Variants in ARHGAP32 observed in about 807,000 individuals in gnomAD.
ARHGAP32 encodes rho GTPase-activating protein 32.
In ARHGAP32, 51 loss-of-function variants were observed where a neutral mutation model predicts 186.5. That is an observed-to-expected ratio of 0.27 (90% CI 0.22 to 0.35). ARHGAP32 has a LOEUF of 0.35. Among genes scored for constraint, ARHGAP32 ranks in the 10% least tolerant of loss-of-function variants. ARHGAP32 has a pLI of 1.00. For synonymous variants in ARHGAP32, 950 were observed against 964.3 expected (o/e 0.99, Z 0.27); for missense variants, 2,186 against 2,623.5 (o/e 0.83, Z 3.64).
chr11:129,035,513 G>A (rs903146880), intron 11 of ARHGAP32, among the ~76,000 whole-genome samples: 6 of 152,164 alleles, frequency 3.9e-5, no homozygotes, highest in Non-Finnish European at 8.8e-5. Flanking sequence ...ACAAGCCCAA[G>A]GCTGACAGAA....
At chr11:129,194,047 A>T (rs7127274), upstream of ARHGAP32, among the ~76,000 whole-genome samples, 1,805 of 152,102 alleles carry the variant, frequency 0.012, 40 homozygotes, top group African/African-American at 0.041. Flanking sequence ...AAAACAATAC[A>T]TAATAAGATG....
intron 11 of ARHGAP32, among the ~76,000 whole-genome samples, chr11:129,038,049 C>T (rs542965549): frequency 2.0e-5 from 3 of 151,740 alleles, no homozygotes; most frequent in Middle Eastern, 6.8e-3. Context: ...TGCAGTGAGC[C>T]GAGATCGCAC....
chr11:129,124,945 T>G (rs770821672), intron 2 of ARHGAP32, 51 bp from the exon 3 acceptor site: 5 of 1,406,456 alleles, frequency 3.6e-6, no homozygotes, highest in Non-Finnish European at 4.9e-6. Context: ...GTATTACACT[T>G]TTTTAAAAAG....
intron 12 of ARHGAP32, among the ~76,000 whole-genome samples, chr11:128,996,249 G>C (rs1021078644): frequency 6.6e-6 from 1 of 152,006 alleles, no homozygotes; most frequent in Admixed American, 6.5e-5. Flanking sequence ...CCCTGTGACA[G>C]TTTAATGTTT....
intron 10 of ARHGAP32, among the ~76,000 whole-genome samples, chr11:129,043,115 A>G (rs1418528898): frequency 6.6e-6 from 1 of 152,228 alleles, no homozygotes; most frequent in Non-Finnish European, 1.5e-5. Context: ...AAATTCAAGT[A>G]ACAATGTACA....
At position 129,237,496 on chromosome 11, in the gene ARHGAP32, A is replaced by G. The variant is rs536927309; in HGVS notation, c.-5+41650T>C. On this transcript the variant is annotated intron_variant, in intron 1 of 6. Coordinates refer to the ARHGAP32 transcript ENST00000525234. Reference sequence around the variant, plus strand: ...AGTGATAAGTGCTTTAGCGTGTTAAAGGAATGAAGAATGCTCAGGACTGCT... The same window carrying G: ...AGTGATAAGTGCTTTAGCGTGTTAAGGGAATGAAGAATGCTCAGGACTGCT... 3.9e-5 allele frequency among the ~76,000 whole-genome samples: 6 copies of G among 152,332 alleles called. No homozygotes were observed. In the East Asian group the frequency reaches 1.2e-3, roughly 29 times the overall value.
intron 1 of ARHGAP32, among the ~76,000 whole-genome samples, chr11:129,206,567 A>AT (rs897550438): frequency 6.6e-6 from 1 of 152,040 alleles, no homozygotes; most frequent in African/African-American, 2.4e-5. Context: ...AAGTCCACAC[A>AT]TGATATTTTG....
rs1938267086 is a variant in ARHGAP32 at position 129,015,013 on chromosome 11, A to G, written c.1046-16545T>C. On this transcript the variant is annotated intron_variant, in intron 11 of 22. Coordinates refer to ENST00000682385, the MANE Select transcript of ARHGAP32 (RefSeq NM_001378024.1). ...AATATATCTATTCACGCTAATGAAT[A>G]TGAAGAAAGAATTTTTCTCTAGACA... Among the ~76,000 whole-genome samples the G allele has an allele frequency of 5.9e-5, 9 of 152,356 alleles. No homozygotes were observed. The South Asian group carries it at 1.9e-3, about 32-fold the overall frequency.
chr11:129,240,318 T>A (rs190661596), intron 1 of ARHGAP32, among the ~76,000 whole-genome samples: 1 of 151,926 alleles, frequency 6.6e-6, no homozygotes, highest in East Asian at 1.9e-4. Context: ...TATATGACCT[T>A]GGGGAAAAAA....
intron 11 of ARHGAP32, among the ~76,000 whole-genome samples, chr11:129,005,178 G>T (rs1446008584): frequency 6.6e-6 from 1 of 151,906 alleles, no homozygotes; most frequent in Admixed American, 6.6e-5. Flanking sequence ...TTCATCCTCT[G>T]TTTTTAACTT....
chr11:129,179,460 T>C (rs1943999239), intron 1 of ARHGAP32, among the ~76,000 whole-genome samples: 3 of 152,126 alleles, frequency 2.0e-5, no homozygotes, highest in South Asian at 4.1e-4. Flanking sequence ...ACCCAAAGGA[T>C]TATAAATCAT....
At chr11:129,185,228 T>C (rs1944134536) in intron 1 of ARHGAP32, among the ~76,000 whole-genome samples, 1 of 152,178 alleles carries the variant, frequency 6.6e-6, no homozygotes, top group African/African-American at 2.4e-5. Flanking sequence ...ATATACTGGA[T>C]TAAGAAAATG....
Position 129,164,306 on chromosome 11 carries a change from A to G in ARHGAP32, c.225+13T>C. On this transcript the variant is annotated intron_variant, in intron 2 of 22. Coordinates refer to ENST00000682385, the MANE Select transcript of ARHGAP32 (RefSeq NM_001378024.1). ...TATATGTATATATGAACAATTGTAT[A>G]AAACTGATTTACCATTGCGCTAAGA... 2 of 1,448,986 alleles carry G rather than the reference A, an allele frequency of 1.4e-6. No individual in the cohort carries two copies. The highest frequency in any genetic ancestry group is 1.9e-6 in the Non-Finnish European group (2 of 1,058,504). The allele number at this position is 1,448,986 out of a possible 1,614,324, so 89.8% of individuals were successfully genotyped here.
intron 1 of ARHGAP32, among the ~76,000 whole-genome samples, chr11:129,167,289 G>A (rs1943659706): frequency 1.3e-5 from 2 of 152,130 alleles, no homozygotes; most frequent in South Asian, 2.1e-4. Context: ...AAATGGCACA[G>A]CCACTGTGGA....
chr11:128,999,121 C>A (rs891676735), intron 11 of ARHGAP32, among the ~76,000 whole-genome samples: 1 of 152,158 alleles, frequency 6.6e-6, no homozygotes, highest in African/African-American at 2.4e-5. Flanking sequence ...TCTCTTCTTG[C>A]AAAAGCGAAT....
intron 5 of ARHGAP32, among the ~76,000 whole-genome samples, chr11:129,117,588 C>T (rs568102353): frequency 6.6e-6 from 1 of 151,914 alleles, no homozygotes; most frequent in African/African-American, 2.4e-5. Context: ...ATAGAAAGCT[C>T]GAGACACAGA....
At chr11:129,143,089 A>ATATAT (rs66832335) in intron 2 of ARHGAP32, among the ~76,000 whole-genome samples, 4 of 145,720 alleles carry the variant, frequency 2.7e-5, no homozygotes, top group South Asian at 2.2e-4. Context: ...ATATATATAT[A>ATATAT]ATCAACTGAA....
chr11:129,088,517 T>G (rs1941476827), intron 6 of ARHGAP32, among the ~76,000 whole-genome samples: 2 of 150,802 alleles, frequency 1.3e-5, no homozygotes, highest in Admixed American at 6.6e-5. Flanking sequence ...GAGTTGGAGG[T>G]TGCAGTGAGC....
intron 1 of ARHGAP32, among the ~76,000 whole-genome samples, chr11:129,246,809 G>C (rs1042011994): frequency 2.6e-5 from 4 of 152,074 alleles, no homozygotes; most frequent in Non-Finnish European, 4.4e-5. Flanking sequence ...CATTGGGGTG[G>C]GATTTTAAAA....
Sources: allele counts gnomAD v4.1 joint callset (sites outside exome capture counted in the v4.1 genomes callset), GRCh38; gene constraint gnomAD v4.1.1; transcripts MANE v1.5; gene names NCBI Gene and HGNC (gene_info 2026-07-23, HGNC 2026-07-21).